FUCA1: variants seen among roughly 807,000 people sequenced by gnomAD.
The protein encoded by FUCA1 is tissue alpha-L-fucosidase.
In FUCA1, 52 loss-of-function variants were observed where a neutral mutation model predicts 56.8. The observed-to-expected ratio is 0.92, with a 90% CI of 0.73 to 1.15. FUCA1 has a LOEUF of 1.15. FUCA1 is among the 50% of genes most tolerant of loss of function. The pLI is 0.00. For missense variants in FUCA1, 568 were observed against 592.6 expected (o/e 0.96, Z 0.43); for synonymous variants, 230 against 226.6 (o/e 1.02, Z -0.14).
chr1:23,854,395 A>T lies in FUCA1; in HGVS notation c.934T>A (p.Leu312Met), dbSNP rs2148442771. 2 of 1,614,096 alleles carry T rather than the reference A, an allele frequency of 1.2e-6. No homozygotes were observed. Among genetic ancestry groups the T allele is most frequent in the Non-Finnish European group, 1.7e-6 (2 of 1,180,008 alleles). Residue 312 changes from leucine to methionine, a missense_variant, in exon 5 of 8, where the codon TTG (leucine) becomes ATG (methionine). By Grantham distance (15) the Leu-to-Met change is conservative (BLOSUM62 2). Transcript: ENST00000374479. ...FSWGYRRDMA[L>M]SDVTEESEII... ...TCAGATTCTTCTGTAACATCAGACA[A>T]TGCCATGTCACGACGATAGCCCCAG...
intron 2 of FUCA1, 96 bp downstream of exon 2, chr1:23,865,395 A>G: frequency 3.3e-6 from 5 of 1,532,884 alleles, no homozygotes; most frequent in Non-Finnish European, 4.5e-6. Context: ...TACTTGCTAT[A>G]TGCAAACCTA....
chr1:23,849,084 G>T (rs1639205175), intron 5 of FUCA1, among the ~76,000 whole-genome samples: 1 of 151,852 alleles, frequency 6.6e-6, no homozygotes, highest in African/African-American at 2.4e-5. Flanking sequence ...CCCTGTTCAA[G>T]CGATTCTCCT....
intron 4 of FUCA1, among the ~76,000 whole-genome samples, chr1:23,857,964 G>A (rs1053663021): frequency 3.3e-5 from 5 of 151,764 alleles, no homozygotes; most frequent in Admixed American, 3.3e-4. Context: ...CACCACGCCC[G>A]GCCTTAGAAA....
intron 5 of FUCA1, among the ~76,000 whole-genome samples, chr1:23,853,479 G>A (rs1010633098): frequency 3.3e-5 from 5 of 150,496 alleles, no homozygotes; most frequent in African/African-American, 1.2e-4. Flanking sequence ...GCCCGGTCCG[G>A]GAGGTGAGGG....
At chr1:23,854,659 G>T in intron 4 of FUCA1, 99 bp from the exon 5 acceptor site, 1 of 990,188 alleles carries the variant, frequency 1.0e-6, no homozygotes, top group Non-Finnish European at 1.6e-6. Context: ...AAGAAACTTA[G>T]TCTAGAGCAG....
rs2148438798 is a variant in FUCA1 at position 23,848,795 on chromosome 1, G to A, written c.1014C>T (p.Asn338=). 6.2e-7 allele frequency: 1 copy of A among 1,614,184 alleles called. No homozygotes were observed. The highest frequency in any genetic ancestry group is 8.5e-7 in the Non-Finnish European group (1 of 1,180,024). ...TCAGTCCATCTTTAGTTGGTCCAAT[G>A]TTCAGAAGATAGTTGCCTCCCAAAC... ...TVSLGGNYLL[N]IGPTKDGLIV... The change falls in exon 6 of 8, where the codon AAC becomes AAT. Residue 338 remains asparagine, a synonymous_variant. Transcript: ENST00000374479.
intron 4 of FUCA1, among the ~76,000 whole-genome samples, chr1:23,855,953 C>T (rs1553137078): frequency 6.6e-6 from 1 of 152,140 alleles, no homozygotes; most frequent in African/African-American, 2.4e-5. Flanking sequence ...CTCAACCATC[C>T]AGCAGAGACT....
In FUCA1 at chr1:23,867,781, C is replaced by A. The variant is rs899536403; in HGVS notation, c.389+117G>T. On this transcript the variant is annotated intron_variant, in intron 1 of 7. Transcript: ENST00000374479. The surrounding 1 kb of genome is among the most constrained non-coding windows in gnomAD (Gnocchi z 4.9). ...TCCTGTGGCCGCAGGAGGCCACACGCGGGCCCCGGGGTCATGGGGGCGACC... is the reference window on the plus strand; with the variant it reads ...TCCTGTGGCCGCAGGAGGCCACACGAGGGCCCCGGGGTCATGGGGGCGACC... 1 of 1,429,278 alleles carries A rather than the reference C, an allele frequency of 7.0e-7. No homozygotes were observed. The highest frequency in any genetic ancestry group is 9.1e-7 in the Non-Finnish European group (1 of 1,100,914). 88.5% of individuals were successfully genotyped at this position (1,429,278 alleles called of 1,614,324 possible).
Position 23,848,669 on chromosome 1 carries a change from T to C in FUCA1, c.1140A>G (p.Glu380=). Residue 380 remains glutamate, a synonymous_variant, in exon 6 of 8, where the codon GAA becomes GAG. Coordinates refer to ENST00000374479, the MANE Select transcript of FUCA1 (RefSeq NM_000147.5). ...YASKPWRVQW[E]KNTTSVWYTS... ...CTCACCATACAGATGTTGTGTTCTT[T>C]TCCCATTGCACCCGCCATGGTTTGG... 1 of 1,614,200 alleles carries C rather than the reference T, an allele frequency of 6.2e-7. No individual in the cohort carries two copies. Among genetic ancestry groups the C allele is most frequent in the Non-Finnish European group, 8.5e-7 (1 of 1,180,020 alleles).
At chr1:23,859,398 C>A (rs552876668) in intron 4 of FUCA1, among the ~76,000 whole-genome samples, 5 of 152,106 alleles carry the variant, frequency 3.3e-5, no homozygotes, top group African/African-American at 9.6e-5. Context: ...GAAACCCTGT[C>A]TCTACTAAAA....
chr1:23,853,086 GCC>G (rs1639302840), intron 5 of FUCA1, among the ~76,000 whole-genome samples: 7 of 146,142 alleles, frequency 4.8e-5, no homozygotes, highest in African/African-American at 1.3e-4. Flanking sequence ...TCTCTGCCCG[GCC>G]GCCCATCGTC....
At position 23,848,633 on chromosome 1, in the gene FUCA1, A is replaced by C; in HGVS notation, c.1160+16T>G. 1 of 1,613,766 alleles carries C rather than the reference A, an allele frequency of 6.2e-7. No homozygotes were observed. The highest frequency in any genetic ancestry group is 8.5e-7 in the Non-Finnish European group (1 of 1,179,658). On this transcript the variant is annotated intron_variant, in intron 6 of 7. Transcript: ENST00000374479. ...GCACTGTTCTGTTCTTACACACAAC[A>C]GAAGACAAGACTCACCATACAGATG...
chr1:23,866,019 A>C (rs1290786387), intron 1 of FUCA1, among the ~76,000 whole-genome samples: 2 of 152,214 alleles, frequency 1.3e-5, no homozygotes, highest in Non-Finnish European at 2.9e-5. Flanking sequence ...TAGAAAACTA[A>C]GCCATTTGCT....
In FUCA1 at chr1:23,845,861, G is replaced by T; in HGVS notation, c.1261-6C>A. 1.2e-6 allele frequency: 2 copies of T among 1,614,088 alleles called. No homozygotes were observed. The highest frequency in any genetic ancestry group is 2.7e-5 in the African/African-American group (2 of 75,016). ...TGAATTCCCAGCATTGTTATCTGCA[G>T]AAAACAAAAGGGAATGAAACAAACT... On this transcript the variant is annotated splice_polypyrimidine_tract_variant and splice_region_variant and intron_variant, in intron 7 of 7. Transcript: ENST00000374479.
intron 1 of FUCA1, among the ~76,000 whole-genome samples, chr1:23,866,739 T>A (rs1639631563): frequency 6.6e-6 from 1 of 152,178 alleles, no homozygotes; most frequent in South Asian, 2.1e-4. Flanking sequence ...AACCTTGACG[T>A]CATGAGACCT....
intron 5 of FUCA1, among the ~76,000 whole-genome samples, chr1:23,853,089 G>GCCA (rs1456274368): frequency 4.2e-5 from 6 of 142,806 alleles, no homozygotes; most frequent in Admixed American, 6.9e-5. Context: ...CTGCCCGGCC[G>GCCA]CCCATCGTCT....
At chr1:23,860,034 T>C (rs942400013) in intron 3 of FUCA1, 131 bp from the exon 4 acceptor site, 2 of 675,622 alleles carry the variant, frequency 3.0e-6, no homozygotes, top group African/African-American at 3.6e-5. Flanking sequence ...GCTATCAACA[T>C]GTATGATCAC....
chr1:23,860,604 C>T (rs1395834434), intron 3 of FUCA1, among the ~76,000 whole-genome samples: 1 of 146,694 alleles, frequency 6.8e-6, no homozygotes, highest in Non-Finnish European at 1.5e-5. Context: ...AAAAAAAACA[C>T]ACAGCATTTT....
intron 3 of FUCA1, among the ~76,000 whole-genome samples, chr1:23,862,586 T>C (rs187543591): frequency 1.3e-5 from 2 of 152,260 alleles, no homozygotes; most frequent in African/African-American, 4.8e-5. Flanking sequence ...TAAAACATTG[T>C]GAAGAACTAG....
Sources: gnomAD v4.1 joint callset for allele counts (sites outside exome capture counted in the v4.1 genomes callset) on GRCh38, gnomAD v4.1.1 for gene constraint, Gnocchi (gnomAD v3.1) non-coding constraint, MANE v1.5 for transcripts, NCBI Gene and HGNC (gene_info 2026-07-23, HGNC 2026-07-21) for gene names.